The following FGF2 variants were observed in gnomAD, a reference collection of about 807,000 sequenced individuals.
The protein encoded by FGF2 is basic fibroblast growth factor bFGF.
FGF2 carries 13 observed loss-of-function variants against 15.9 expected under a neutral mutation model. The observed-to-expected ratio is 0.82, with a 90% CI of 0.53 to 1.30. FGF2 has a LOEUF of 1.30. Among genes scored for constraint, FGF2 ranks in the 50% most tolerant of loss-of-function variants. The probability of loss-of-function intolerance (pLI) is 0.00; values close to 1 mark genes in which losing one functional copy is unlikely to be tolerated. For missense variants in FGF2, 163 were observed against 196.9 expected (o/e 0.83, Z 1.03); for synonymous variants, 90 against 78.4 (o/e 1.15, Z -0.78).
chr4:122,831,067 G>C (rs753185391), intron 1 of FGF2, among the ~76,000 whole-genome samples: 7 of 152,138 alleles, frequency 4.6e-5, no homozygotes, highest in Admixed American at 1.3e-4. Context: ...ATGGACTTGT[G>C]AAATCAAAGG....
intron 1 of FGF2, among the ~76,000 whole-genome samples, chr4:122,836,552 A>T (rs1174281732): frequency 6.6e-6 from 1 of 152,168 alleles, no homozygotes; most frequent in Non-Finnish European, 1.5e-5. Flanking sequence ...TTTTATTTTT[A>T]AAAAATCCAG....
intron 1 of FGF2, among the ~76,000 whole-genome samples, chr4:122,831,711 C>T (rs2150761004): frequency 6.6e-6 from 1 of 152,310 alleles, no homozygotes; most frequent in South Asian, 2.1e-4. Context: ...CAAGTGACTT[C>T]AGCCTAGAAA....
intron 1 of FGF2, among the ~76,000 whole-genome samples, chr4:122,847,623 ATCTATCTATCTATCTATCTG>A (rs1402145166): frequency 0.027 from 3,778 of 142,130 alleles, 170 homozygotes; most frequent in African/African-American, 0.11. Context: ...CTATCTATCT[ATCTATCTATCTATCTATCTG>A]TCTATCTAAT....
rs931304683 is a variant in FGF2, at chr4:122,826,972, G to A, written c.-203G>A. The A allele has an allele frequency of 8.2e-5, 108 of 1,317,088 alleles. No homozygotes were observed. Among genetic ancestry groups the A allele is most frequent in the Middle Eastern group, 2.8e-4 (1 of 3,562 alleles). The allele number at this position is 1,317,088 out of a possible 1,614,324, so 81.6% of individuals were successfully genotyped here. Reference sequence around the variant, plus strand: ...CGGGCCGCCGGCTCGCCGCGCACCAGGGGCCGGCGGACAGAAGAGCGGCCG... The same window carrying A: ...CGGGCCGCCGGCTCGCCGCGCACCAAGGGCCGGCGGACAGAAGAGCGGCCG... On this transcript the variant is annotated 5_prime_UTR_variant, in exon 1 of 3. Coordinates refer to ENST00000644866, the MANE Select transcript of FGF2 (RefSeq NM_001361665.2).
At chr4:122,859,651 TATAC>T (rs1041571765) in intron 1 of FGF2, among the ~76,000 whole-genome samples, 17 of 31,262 alleles carry the variant, frequency 5.4e-4, no homozygotes, top group African/African-American at 1.9e-3. Context: ...TACATATGTA[TATAC>T]ACACACACAC....
At chr4:122,832,036 A>G (rs1007399451) in intron 1 of FGF2, among the ~76,000 whole-genome samples, 7 of 152,200 alleles carry the variant, frequency 4.6e-5, no homozygotes, top group Non-Finnish European at 8.8e-5. Context: ...ACATTATTGG[A>G]ACTACTATTT....
chr4:122,845,901 A>G (rs1427036541), intron 1 of FGF2, among the ~76,000 whole-genome samples: 1 of 152,198 alleles, frequency 6.6e-6, no homozygotes, highest in Non-Finnish European at 1.5e-5. Flanking sequence ...TGCAGTCACA[A>G]CGTGGCTGTT....
At position 122,827,424 on chromosome 4, in the gene FGF2, TG is replaced by T; in HGVS notation, c.178+73del. ...CTCGCCCGCTCTCTCCCCTCCAGCC[TG>T]CACCCTCCTCCCGGATCTTCACTGC... On this transcript the variant is annotated intron_variant, in intron 1 of 2. Transcript: ENST00000644866. This position sits in a 1 kb window ranked among gnomAD's most constrained non-coding sequence, Gnocchi z 4.2. The T allele has an allele frequency of 1.3e-6, 2 of 1,524,892 alleles. No homozygotes were observed. The highest frequency in any genetic ancestry group is 1.1e-5 in the South Asian group (1 of 88,222). 94.5% of individuals were successfully genotyped at this position (1,524,892 alleles called of 1,614,324 possible).
chr4:122,828,743 A>T (rs951138707), intron 1 of FGF2, among the ~76,000 whole-genome samples: 1 of 152,218 alleles, frequency 6.6e-6, no homozygotes, highest in African/African-American at 2.4e-5. Flanking sequence ...TAATTTAAAA[A>T]TTTTATCAAT....
chr4:122,893,312 T>C lies in FGF2; in HGVS notation c.*916T>C, dbSNP rs1475887428. 6 of 1,304,466 alleles carry C rather than the reference T, an allele frequency of 4.6e-6. No individual in the cohort carries two copies. Among genetic ancestry groups the C allele is most frequent in the African/African-American group, 1.5e-5 (1 of 67,212 alleles). The allele number at this position is 1,304,466 out of a possible 1,614,324, so 80.8% of individuals were successfully genotyped here. A position where few individuals can be genotyped will look rare whatever the true frequency, so the allele number is the denominator to read the frequency against. ...AAGATTTTCAGTTAAAGTAGCATTA[T>C]GTAAAGGCTCAAAACATTACCCTAA... On this transcript the variant is annotated 3_prime_UTR_variant, in exon 3 of 3. Coordinates refer to ENST00000644866, the MANE Select transcript of FGF2 (RefSeq NM_001361665.2).
intron 1 of FGF2, among the ~76,000 whole-genome samples, chr4:122,828,048 A>T (rs1488068036): frequency 6.6e-6 from 1 of 152,200 alleles, no homozygotes; most frequent in Non-Finnish European, 1.5e-5. Context: ...TTAACCCCAG[A>T]GCCGGTTTCC....
chr4:122,841,891 A>AT (rs1331627825), intron 1 of FGF2, among the ~76,000 whole-genome samples: 10 of 152,364 alleles, frequency 6.6e-5, no homozygotes, highest in African/African-American at 2.4e-4. Flanking sequence ...TTTTAGTGAA[A>AT]TTTTAAAAAA....
intron 1 of FGF2, among the ~76,000 whole-genome samples, chr4:122,866,367 C>CA (rs60127443): frequency 0.64 from 83,809 of 131,708 alleles, 26,815 homozygotes; most frequent in Non-Finnish European, 0.77. Context: ...GACTCCGTCT[C>CA]AAAAAAAAAA....
chr4:122,870,094 G>A (rs1193914650), intron 1 of FGF2, among the ~76,000 whole-genome samples: 3 of 152,160 alleles, frequency 2.0e-5, no homozygotes, highest in African/African-American at 4.8e-5. Context: ...AGATAATCAC[G>A]TGGTTTTTGT....
At chr4:122,870,145 G>T (rs1217600994) in intron 1 of FGF2, among the ~76,000 whole-genome samples, 1 of 152,198 alleles carries the variant, frequency 6.6e-6, no homozygotes, top group Non-Finnish European at 1.5e-5. Flanking sequence ...TTATTGATTT[G>T]TGTATGTTGA....
At chr4:122,871,940 C>T (rs1006549852) in intron 1 of FGF2, among the ~76,000 whole-genome samples, 6 of 151,972 alleles carry the variant, frequency 3.9e-5, no homozygotes, top group African/African-American at 1.5e-4. Flanking sequence ...ATGATGAAAA[C>T]CCAAAAGGCC....
At chr4:122,887,705 T>A (rs1241229163) in intron 2 of FGF2, among the ~76,000 whole-genome samples, 1 of 152,212 alleles carries the variant, frequency 6.6e-6, no homozygotes, top group Non-Finnish European at 1.5e-5. Context: ...AATAAATGGT[T>A]ATTGGGCCCC....
chr4:122,866,449 C>T (rs1475275362), intron 1 of FGF2, among the ~76,000 whole-genome samples: 2 of 151,760 alleles, frequency 1.3e-5, no homozygotes, highest in South Asian at 2.1e-4. Context: ...TATGTCTGAA[C>T]GGGATTTGTG....
chr4:122,890,662 A>C (rs1185890588), intron 2 of FGF2, among the ~76,000 whole-genome samples: 1 of 152,098 alleles, frequency 6.6e-6, no homozygotes, highest in Non-Finnish European at 1.5e-5. Flanking sequence ...TTTTTGTCAC[A>C]GTTTGTGCCA....
Sources: allele counts gnomAD v4.1 joint callset (sites outside exome capture counted in the v4.1 genomes callset), GRCh38; gene constraint gnomAD v4.1.1; non-coding constraint Gnocchi (gnomAD v3.1); transcripts MANE v1.5; gene names NCBI Gene and HGNC (gene_info 2026-07-23, HGNC 2026-07-21).